PSTPIP2: variants seen among roughly 807,000 people sequenced by gnomAD.
PSTPIP2 encodes the protein proline-serine-threonine phosphatase interacting protein 2, also known as proline-serine-threonine phosphatase-interacting protein 2.
In PSTPIP2, 33 loss-of-function variants were observed where a neutral mutation model predicts 63.3. The ratio of observed to expected loss-of-function variants is 0.52; its 90% confidence interval spans 0.40 to 0.70. PSTPIP2 has a LOEUF of 0.70. Among genes scored for constraint, PSTPIP2 ranks in the 30% least tolerant of loss-of-function variants. PSTPIP2 has a pLI of 0.00. For synonymous variants in PSTPIP2, 125 were observed against 132.7 expected (o/e 0.94, Z 0.40); for missense variants, 312 against 400.7 (o/e 0.78, Z 1.89).
intron 2 of PSTPIP2, among the ~76,000 whole-genome samples, chr18:46,027,916 T>G (rs1268576832): frequency 1.3e-5 from 2 of 152,184 alleles, no homozygotes; most frequent in Non-Finnish European, 2.9e-5. Context: ...ATCACAGCAC[T>G]TTGGGAGGCC....
intron 1 of PSTPIP2, among the ~76,000 whole-genome samples, chr18:46,043,659 G>A (rs1432781654): frequency 6.6e-6 from 1 of 152,012 alleles, no homozygotes; most frequent in Non-Finnish European, 1.5e-5. Context: ...GCCAGTGCTA[G>A]GCAAGAAAAA....
At chr18:46,029,572 C>T (rs1907715573) in intron 2 of PSTPIP2, 3 of 785,352 alleles carry the variant, frequency 3.8e-6, no homozygotes, top group East Asian at 4.9e-5. Context: ...AGATTCTTGT[C>T]TCGAAGGAAC....
In PSTPIP2 at chr18:46,014,038, T is replaced by TC. The variant is rs1397985397; in HGVS notation, c.247+1864_247+1865insG. Among the ~76,000 whole-genome samples the TC allele has an allele frequency of 2.6e-5, 4 of 152,138 alleles. No individual in the cohort carries two copies. The East Asian group carries it at 5.8e-4, about 22-fold the overall frequency. ...GAGGAGTAAAGAAGGGATCTTTTTT[T>TC]TTTTTAAACAGTCTTACTCTGTCGC... On this transcript the variant is annotated intron_variant, in intron 4 of 14. Transcript: ENST00000409746.
At chr18:46,000,969 A>G (rs2051658855) in intron 6 of PSTPIP2, among the ~76,000 whole-genome samples, 1 of 152,244 alleles carries the variant, frequency 6.6e-6, no homozygotes, top group African/African-American at 2.4e-5. Context: ...AATACGGCAC[A>G]TATACACAAT....
At chr18:46,039,350 C>T (rs1455013255) in intron 2 of PSTPIP2, among the ~76,000 whole-genome samples, 2 of 152,114 alleles carry the variant, frequency 1.3e-5, no homozygotes, top group African/African-American at 4.8e-5. Flanking sequence ...GCATCATGAT[C>T]GGCTTCACAG....
chr18:46,025,685 A>G (rs1466577987), intron 2 of PSTPIP2, among the ~76,000 whole-genome samples: 10 of 92,400 alleles, frequency 1.1e-4, no homozygotes, highest in African/African-American at 5.6e-4. Context: ...ACTACCACTA[A>G]AAAAAAAAAA....
At chr18:46,050,818 C>A (rs936830535) in intron 1 of PSTPIP2, among the ~76,000 whole-genome samples, 2 of 151,828 alleles carry the variant, frequency 1.3e-5, no homozygotes, top group Non-Finnish European at 2.9e-5. Context: ...GAAAGGGACA[C>A]ACCATACATG....
At chr18:45,988,885 A>T (rs1418274015) in intron 13 of PSTPIP2, 126 bp from the exon 14 acceptor site, 3 of 741,970 alleles carry the variant, frequency 4.0e-6, no homozygotes, top group Non-Finnish European at 6.9e-6. Context: ...GAGAAAATAG[A>T]TCTGCCAACA....
chr18:45,998,843 T>A lies in PSTPIP2; in HGVS notation c.517-4A>T. 6.2e-7 allele frequency: 1 copy of A among 1,613,586 alleles called. No homozygotes were observed. The highest frequency in any genetic ancestry group is 1.1e-5 in the South Asian group (1 of 91,066). On this transcript the variant is annotated splice_region_variant and splice_polypyrimidine_tract_variant and intron_variant, in intron 7 of 14. Transcript: ENST00000409746. ...AAGTTGCCAGTTTCACAAAAAGCTG[T>A]GAAAACAAACAAACAAACAAAAAAA... is the stretch of plus-strand genomic sequence containing the variant.
intron 9 of PSTPIP2, among the ~76,000 whole-genome samples, chr18:45,995,714 A>G (rs996316076): frequency 5.9e-5 from 9 of 152,238 alleles, no homozygotes; most frequent in African/African-American, 2.2e-4. Context: ...CAGTCAGGAC[A>G]ACATGGACTT....
At chr18:45,994,454 T>G (rs952845393) in intron 9 of PSTPIP2, among the ~76,000 whole-genome samples, 6 of 152,210 alleles carry the variant, frequency 3.9e-5, no homozygotes, top group Non-Finnish European at 8.8e-5. Context: ...GTTCTCATAC[T>G]TGAATTCACA....
intron 3 of PSTPIP2, among the ~76,000 whole-genome samples, chr18:46,020,034 A>C (rs1327778112): frequency 6.6e-6 from 1 of 152,164 alleles, no homozygotes; most frequent in Non-Finnish European, 1.5e-5. Context: ...CTCCCACCAC[A>C]GTGACTGATT....
chr18:45,997,701 A>ACCCCT, intron 9 of PSTPIP2, 48 bp downstream of exon 9: 1 of 332,626 alleles, frequency 3.0e-6, no homozygotes, highest in Admixed American at 3.7e-5. Flanking sequence ...TGTTACACAC[A>ACCCCT]CCCCCACCCA....
Position 45,993,609 on chromosome 18 carries a change from T to A in PSTPIP2, c.737A>T (p.Asp246Val), listed in dbSNP as rs1471918997. The A allele has an allele frequency of 6.2e-7, 1 of 1,613,220 alleles. No individual in the cohort carries two copies. Among genetic ancestry groups the A allele is most frequent in the South Asian group, 1.1e-5 (1 of 91,056 alleles). Reference protein sequence around the residue: ...NQLSQQCVTSDEMYEQVRKSL... With the variant: ...NQLSQQCVTSVEMYEQVRKSL... ...CAGTGGATGCCTCTGACTTACTTCA[T>A]CACTGGTGACACATTGTTGTGACAG... is the stretch of plus-strand genomic sequence containing the variant. Residue 246 changes from aspartate to valine, a missense_variant, in exon 10 of 15, where the codon GAT (aspartate) becomes GTT (valine). Asp to Val is a radical substitution (Grantham distance 152). Transcript: ENST00000409746.
chr18:45,988,461 C>T (rs1340593534), intron 14 of PSTPIP2, among the ~76,000 whole-genome samples: 1 of 138,462 alleles, frequency 7.2e-6, no homozygotes, highest in Admixed American at 7.3e-5. Context: ...TAAAGAGTTA[C>T]TGTGGAATAA....
At chr18:45,987,025 T>C (rs1480394355) in intron 14 of PSTPIP2, among the ~76,000 whole-genome samples, 3 of 152,052 alleles carry the variant, frequency 2.0e-5, no homozygotes, top group African/African-American at 2.4e-5. Flanking sequence ...TTTTTGTTTG[T>C]TTGTTTTAGT....
At chr18:46,011,145 G>A in intron 5 of PSTPIP2, 36 bp downstream of exon 5, 1 of 1,540,742 alleles carries the variant, frequency 6.5e-7, no homozygotes, top group Non-Finnish European at 9.0e-7. Context: ...TTCTATAGGA[G>A]GAAAGGAAAC....
At chr18:45,993,555 A>G (rs2051561158) in intron 10 of PSTPIP2, 50 bp downstream of exon 10, 2 of 1,523,044 alleles carry the variant, frequency 1.3e-6, no homozygotes, top group Admixed American at 1.7e-5. Context: ...CTTCTACTCT[A>G]ATGTATCCAA....
intron 1 of PSTPIP2, among the ~76,000 whole-genome samples, chr18:46,071,832 G>A (rs2144144074): frequency 6.6e-6 from 1 of 152,356 alleles, no homozygotes. Flanking sequence ...AAGGTGTCTC[G>A]GCTCTCTGCG....
Sources: allele counts gnomAD v4.1 joint callset (sites outside exome capture counted in the v4.1 genomes callset), GRCh38; gene constraint gnomAD v4.1.1; transcripts MANE v1.5; gene names NCBI Gene and HGNC (gene_info 2026-07-23, HGNC 2026-07-21).